ZNF268: variants seen among roughly 807,000 people sequenced by gnomAD.
ZNF268 encodes zinc finger protein 268.
ZNF268 carries 20 observed loss-of-function variants against 29.3 expected under a neutral mutation model. That is an observed-to-expected ratio of 0.68 (90% CI 0.48 to 0.99). The LOEUF is 0.99. Among genes scored for constraint, ZNF268 ranks in the 50% least tolerant of loss-of-function variants. The probability of loss-of-function intolerance (pLI) is 0.00; values close to 1 mark genes in which losing one functional copy is unlikely to be tolerated. For synonymous variants in ZNF268, 429 were observed against 376.9 expected, an observed-to-expected ratio of 1.14 and a Z score of -1.60; for missense variants, 1,240 against 1,121.6, an observed-to-expected ratio of 1.11 and a Z score of -1.51.
chr12:133,193,432 G>C, intron 5 of ZNF268: 1 of 675,672 alleles, frequency 1.5e-6, no homozygotes, highest in Non-Finnish European at 2.7e-6. Context: ...TCACAGTTTT[G>C]AAGGCTGGAA....
In ZNF268 at chr12:133,202,599, G is replaced by T. The variant is rs781716810; in HGVS notation, c.913G>T (p.Gly305Cys). Residue 305 changes from glycine (G) to cysteine (C), a missense_variant, in exon 6 of 6, where the codon GGT becomes TGT. By Grantham distance (159) the Gly-to-Cys change is radical. Coordinates refer to ENST00000536435, the MANE Select transcript of ZNF268 (RefSeq NM_003415.3). ...QQTHAEEKPY[G>C]CNECGKDFSS... is the part of the protein sequence containing the mutation. ...AACTCATGCCGAAGAGAAACCCTAT[G>T]GTTGTAATGAATGTGGGAAAGACTT... is the stretch of plus-strand genomic sequence containing the variant. The T allele has an allele frequency of 1.2e-6, 2 of 1,606,008 alleles. No homozygotes were observed. The highest frequency in any genetic ancestry group is 1.7e-6 in the Non-Finnish European group (2 of 1,175,818).
At position 133,204,081 on chromosome 12, in the gene ZNF268, A is replaced by G; in HGVS notation, c.2395A>G (p.Met799Val). Reference protein sequence around the residue: ...FSSKSYLIIHMRTHSGEKPYE... With the variant: ...FSSKSYLIIHVRTHSGEKPYE... ...CAGCAAGTCATACCTAATTATACAC[A>G]TGAGAACTCATTCAGGTGAAAAACC... The change falls in exon 6 of 6, where the codon ATG (methionine) becomes GTG (valine). Residue 799 changes from methionine to valine, a missense_variant. By Grantham distance (21) the Met-to-Val change is conservative (BLOSUM62 1). This residue lies in a region of ZNF268 where 1,177 missense variants were observed against 1,039.6 expected (regional missense o/e 1.13). Coordinates refer to ENST00000536435, the MANE Select transcript of ZNF268 (RefSeq NM_003415.3). 3.9e-6 allele frequency: 6 copies of G among 1,551,332 alleles called. No homozygotes were observed. The highest frequency in any genetic ancestry group is 1.9e-5 in the Admixed American group (1 of 51,500).
chr12:133,182,715 C>T (rs1020044445), intron 2 of ZNF268, among the ~76,000 whole-genome samples: 1 of 152,108 alleles, frequency 6.6e-6, no homozygotes, highest in African/African-American at 2.4e-5. Flanking sequence ...AAAGAAGTAA[C>T]GTGCAAATTT....
In ZNF268 at chr12:133,210,782, C is replaced by T; in HGVS notation, c.*6252C>T. 2 of 454,788 alleles carry T rather than the reference C, an allele frequency of 4.4e-6. No individual in the cohort carries two copies. Among genetic ancestry groups the T allele is most frequent in the Non-Finnish European group, 8.9e-6 (2 of 225,764 alleles). 28.2% of individuals were successfully genotyped at this position (454,788 alleles called of 1,614,324 possible). A position where few individuals can be genotyped will look rare whatever the true frequency, so the allele number is the denominator to read the frequency against. The stretch of plus-strand genomic sequence containing the variant: ...TGCAGCCTCTAGTGATCCCCAGGTC[C>T]TGAGTAGAAGGAAGGCCTGGTCCTC... On this transcript the variant is annotated 3_prime_UTR_variant, in exon 6 of 6. Transcript: ENST00000536435.
At position 133,211,100 on chromosome 12, in the gene ZNF268, A is replaced by G; in HGVS notation, c.*6570A>G. 1 of 440,616 alleles carries G rather than the reference A, an allele frequency of 2.3e-6. No homozygotes were observed. The highest frequency in any genetic ancestry group is 4.6e-6 in the Non-Finnish European group (1 of 215,330). 27.3% of individuals were successfully genotyped at this position (440,616 alleles called of 1,614,324 possible). A position where few individuals can be genotyped will look rare whatever the true frequency, so the allele number is the denominator to read the frequency against. ...AAGGCAAAGTAGATGGCCATAGACA[A>G]AAGTCAAGTGATTTCCTATATATTT... On this transcript the variant is annotated 3_prime_UTR_variant, in exon 6 of 6. Transcript: ENST00000536435.
At chr12:133,200,086 C>T (rs529365861) in intron 5 of ZNF268, among the ~76,000 whole-genome samples, 2 of 152,092 alleles carry the variant, frequency 1.3e-5, no homozygotes, top group South Asian at 4.1e-4. Context: ...AATGTGTTTG[C>T]TCTTGCTTTT....
Position 133,212,471 on chromosome 12 carries a change from A to ATATATATATATATATATATATG in ZNF268, c.*7962_*7963insGTATATATATATATATATATAT, listed in dbSNP as rs1956996910. 7.7e-5 allele frequency: 1 copy of ATATATATATATATATATATATG among 12,992 alleles called. No individual in the cohort carries two copies. The highest frequency in any genetic ancestry group is 4.0e-3 in the South Asian group (1 of 252). The allele number at this position is 12,992 out of a possible 1,614,324, so 0.8% of individuals were successfully genotyped here. On this transcript the variant is annotated 3_prime_UTR_variant, in exon 6 of 6. Transcript: ENST00000536435. ...TATATATATATATATATATATATAT[A>ATATATATATATATATATATATG]TATATATATATATATATATATATAT...
chr12:133,188,195 A>AC (rs36006714), intron 3 of ZNF268, 123 bp downstream of exon 3: 40 of 872,672 alleles, frequency 4.6e-5, no homozygotes, highest in Admixed American at 9.2e-5. Context: ...TCAGTTCAAA[A>AC]CCCCCCCACT....
intron 3 of ZNF268, among the ~76,000 whole-genome samples, chr12:133,188,434 C>A (rs1566366732): frequency 6.6e-6 from 1 of 152,102 alleles, no homozygotes; most frequent in Non-Finnish European, 1.5e-5. Flanking sequence ...TAAGCTCAAG[C>A]AGTCCTCCTG....
At chr12:133,191,382 A>AT in intron 3 of ZNF268, 107 bp from the exon 4 acceptor site, 1 of 1,328,594 alleles carries the variant, frequency 7.5e-7, no homozygotes, top group Non-Finnish European at 1.1e-6. Flanking sequence ...TTTCAATACA[A>AT]TTTTTGTTCT....
At chr12:133,202,095 A>T in intron 5 of ZNF268, 49 bp from the exon 6 acceptor site, 1 of 1,441,384 alleles carries the variant, frequency 6.9e-7, no homozygotes, top group Non-Finnish European at 9.3e-7. Flanking sequence ...TTTCTAGTAT[A>T]CCGCAATCAT....
At chr12:133,193,092 A>G (rs977100541) in intron 5 of ZNF268, among the ~76,000 whole-genome samples, 2 of 151,976 alleles carry the variant, frequency 1.3e-5, no homozygotes, top group Non-Finnish European at 2.9e-5. Flanking sequence ...TTTTCCCTTC[A>G]TGTTCCACTG....
Position 133,204,236 on chromosome 12 carries a change from CCTT to C in ZNF268, c.2554_2556del (p.Leu852del), listed in dbSNP as rs773022792. ...AGAAATCCTTCAGTGGGAAATTACG[CCTT>C]CTTGTACACCAGAGAATGCACACAA... On this transcript the variant is annotated inframe_deletion, in exon 6 of 6. Coordinates refer to ENST00000536435, the MANE Select transcript of ZNF268 (RefSeq NM_003415.3). The C allele has an allele frequency of 3.9e-6, 6 of 1,542,788 alleles. No individual in the cohort carries two copies. In the South Asian group the frequency reaches 7.1e-5, roughly 18 times the overall value.
intron 2 of ZNF268, chr12:133,184,852 C>T (rs1956268319): frequency 5.1e-5 from 17 of 332,596 alleles, no homozygotes; most frequent in South Asian, 3.5e-4. Context: ...GGGATGCAAT[C>T]ATTGAAACCG....
chr12:133,214,048 G>T lies in ZNF268; in HGVS notation c.*9518G>T, dbSNP rs1957023030. On this transcript the variant is annotated 3_prime_UTR_variant, in exon 6 of 6. Transcript: ENST00000536435. ...CTGTAAAATAATATACCTGATAAGG[G>T]TCTAGTATCCAGAACATATAAAGAA... 2 of 151,926 alleles carry T rather than the reference G, an allele frequency of 1.3e-5. No homozygotes were observed. Among genetic ancestry groups the T allele is most frequent in the East Asian group, 1.9e-4 (1 of 5,180 alleles). The allele number at this position is 151,926 out of a possible 1,614,324, so 9.4% of individuals were successfully genotyped here. A position where few individuals can be genotyped will look rare whatever the true frequency, so the allele number is the denominator to read the frequency against.
rs1212618524 is a variant in ZNF268, at chr12:133,213,009, A to G, written c.*8479A>G. 6.6e-6 allele frequency: 1 copy of G among 151,934 alleles called. No homozygotes were observed. The highest frequency in any genetic ancestry group is 6.6e-5 in the Admixed American group (1 of 15,242). 9.4% of individuals were successfully genotyped at this position (151,934 alleles called of 1,614,324 possible). ...GGATTACAGGCATGTGCCACCATGT[A>G]TGGCTATTTTTTGTATTTTTAGTAG... On this transcript the variant is annotated 3_prime_UTR_variant, in exon 6 of 6. Transcript: ENST00000536435.
chr12:133,189,850 T>C (rs1386740974), intron 3 of ZNF268, among the ~76,000 whole-genome samples: 4 of 152,170 alleles, frequency 2.6e-5, no homozygotes, highest in African/African-American at 9.7e-5. Flanking sequence ...CTCTGTCGCC[T>C]AGGCTGGAGC....
At chr12:133,189,044 T>A (rs915745732) in intron 3 of ZNF268, among the ~76,000 whole-genome samples, 1 of 152,156 alleles carries the variant, frequency 6.6e-6, no homozygotes, top group Non-Finnish European at 1.5e-5. Context: ...GCCTTTGGGA[T>A]TGAGTTCAAA....
chr12:133,186,974 C>A (rs550653124), intron 2 of ZNF268, among the ~76,000 whole-genome samples: 1 of 152,252 alleles, frequency 6.6e-6, no homozygotes, highest in South Asian at 2.1e-4. Flanking sequence ...ATATATTGAT[C>A]ATTGTATTAT....
Sources: allele counts gnomAD v4.1 joint callset (sites outside exome capture counted in the v4.1 genomes callset), GRCh38; gene constraint gnomAD v4.1.1; regional missense constraint gnomAD v4.1.1; transcripts MANE v1.5; gene names NCBI Gene and HGNC (gene_info 2026-07-23, HGNC 2026-07-21).